The following NCAM1 variants were observed in gnomAD, a reference collection of about 807,000 sequenced individuals.
NCAM1 encodes the protein neural cell adhesion molecule 1, also known as antigen recognized by monoclonal antibody 5.1H11.
A neutral mutation model predicts 109.8 loss-of-function variants in NCAM1; 14 were observed. That is an observed-to-expected ratio of 0.13 (90% confidence interval 0.08 to 0.20). NCAM1 has a LOEUF of 0.20. Among genes scored for constraint, NCAM1 ranks in the 10% least tolerant of loss-of-function variants. NCAM1 has a pLI of 1.00. For synonymous variants in NCAM1, 418 were observed against 442.9 expected (o/e 0.94, Z 0.70); for missense variants, 774 against 1,109.9 (o/e 0.70, Z 4.30).
chr11:113,269,826 CAA>C (rs1399827389), intron 17 of NCAM1: 1 of 312,904 alleles, frequency 3.2e-6, no homozygotes, highest in African/African-American at 2.1e-5. Context: ...GCCTGTGCTG[CAA>C]AGCCTTTTGC....
intron 18 of NCAM1, among the ~76,000 whole-genome samples, chr11:113,271,133 G>T (rs1204505741): frequency 1.3e-5 from 2 of 152,042 alleles, no homozygotes; most frequent in Non-Finnish European, 2.9e-5. Context: ...ACTTTGGGAG[G>T]CCGAGATGGA....
Position 113,202,365 on chromosome 11 carries a change from T to TTTTGTTTTGC in NCAM1, c.53-6_53-5insGCTTTGTTTT. ...TTGTTTTTTGTTTTGTTTTGTTTTG[T>TTTTGTTTTGC]TTTGTTTTTTCAGTTTCTCTGCAGG... is the stretch of plus-strand genomic sequence containing the variant. On this transcript the variant is annotated splice_polypyrimidine_tract_variant and intron_variant, in intron 1 of 19. Coordinates refer to ENST00000316851, the MANE Select transcript of NCAM1 (RefSeq NM_181351.5). The TTTTGTTTTGC allele has an allele frequency of 2.5e-6, 4 of 1,609,780 alleles. No individual in the cohort carries two copies. The highest frequency in any genetic ancestry group is 8.5e-7 in the Non-Finnish European group (1 of 1,178,426).
At chr11:113,004,518 G>A (rs1359369781) in intron 1 of NCAM1, among the ~76,000 whole-genome samples, 3 of 151,628 alleles carry the variant, frequency 2.0e-5, no homozygotes, top group African/African-American at 7.3e-5. Context: ...TTTTTTGCCA[G>A]GATGAGGATC....
chr11:113,051,883 G>A (rs1346059283), intron 1 of NCAM1, among the ~76,000 whole-genome samples: 1 of 152,078 alleles, frequency 6.6e-6, no homozygotes, highest in African/African-American at 2.4e-5. Flanking sequence ...TGGAATAGCT[G>A]GGCCTAAAGT....
intron 1 of NCAM1, among the ~76,000 whole-genome samples, chr11:113,038,547 T>C (rs552143062): frequency 6.6e-6 from 1 of 152,350 alleles, no homozygotes; most frequent in East Asian, 1.9e-4. Flanking sequence ...TTGTTCACCA[T>C]TGGTATCCCT....
chr11:113,217,922 T>A (rs923304190), intron 8 of NCAM1, among the ~76,000 whole-genome samples: 1 of 152,206 alleles, frequency 6.6e-6, no homozygotes, highest in Non-Finnish European at 1.5e-5. Context: ...CTCTAATTGT[T>A]ACTAAAAATA....
chr11:112,976,475 C>A (rs1555067702), intron 1 of NCAM1, among the ~76,000 whole-genome samples: 1 of 151,672 alleles, frequency 6.6e-6, no homozygotes, highest in African/African-American at 2.4e-5. Flanking sequence ...CAATTTAAAC[C>A]TACAGATTGA....
At chr11:113,128,142 C>T (rs1941250519) in intron 1 of NCAM1, among the ~76,000 whole-genome samples, 1 of 152,162 alleles carries the variant, frequency 6.6e-6, no homozygotes, top group Non-Finnish European at 1.5e-5. Flanking sequence ...TTTTGGCAAC[C>T]ACACTTTCTT....
chr11:113,066,053 T>G (rs1335339859), intron 1 of NCAM1, among the ~76,000 whole-genome samples: 2 of 152,222 alleles, frequency 1.3e-5, no homozygotes, highest in Non-Finnish European at 2.9e-5. Context: ...GCTTGGTTCT[T>G]GCCCATTCAT....
At chr11:112,979,851 A>G (rs1174478485) in intron 1 of NCAM1, among the ~76,000 whole-genome samples, 2 of 151,848 alleles carry the variant, frequency 1.3e-5, no homozygotes, top group Non-Finnish European at 2.9e-5. Flanking sequence ...TCTGAAATGC[A>G]TAACACATTT....
At position 113,273,533 on chromosome 11, in the gene NCAM1, G is replaced by C. The variant is rs549134669; in HGVS notation, c.2456+1657G>C. ...CAGCCACAGCCCTTGCTAGCCCGAA[G>C]AGCGAGGCTGCCTCCGTCAGCACCA... is the stretch of plus-strand genomic sequence containing the variant. On this transcript the variant is annotated intron_variant, in intron 19 of 19. Coordinates refer to ENST00000316851, the MANE Select transcript of NCAM1 (RefSeq NM_181351.5). The surrounding 1 kb of genome is among the most constrained non-coding windows in gnomAD (Gnocchi z 6.0). 7 of 359,534 alleles carry C rather than the reference G, an allele frequency of 1.9e-5. No homozygotes were observed. Among genetic ancestry groups the C allele is most frequent in the Non-Finnish European group, 3.4e-5 (6 of 174,944 alleles). The allele number at this position is 359,534 out of a possible 1,614,324, so 22.3% of individuals were successfully genotyped here.
intron 14 of NCAM1, among the ~76,000 whole-genome samples, chr11:113,243,169 G>A (rs947297942): frequency 5.3e-5 from 8 of 152,234 alleles, no homozygotes; most frequent in Admixed American, 3.9e-4. Flanking sequence ...TCTCCTTCCC[G>A]GCTTTCGCTT....
chr11:113,114,043 T>G (rs1555094321), intron 1 of NCAM1, among the ~76,000 whole-genome samples: 1 of 152,220 alleles, frequency 6.6e-6, no homozygotes, highest in Admixed American at 6.5e-5. Context: ...CTGTTTCCCT[T>G]TTTAGGCTTA....
intron 1 of NCAM1, among the ~76,000 whole-genome samples, chr11:113,083,797 A>T (rs1162140051): frequency 6.6e-6 from 1 of 152,144 alleles, no homozygotes; most frequent in Non-Finnish European, 1.5e-5. Flanking sequence ...TTTGAGTAGC[A>T]AGGGCTTTGT....
intron 1 of NCAM1, among the ~76,000 whole-genome samples, chr11:113,192,872 C>T (rs545901943): frequency 2.4e-4 from 36 of 152,172 alleles, no homozygotes; most frequent in Admixed American, 6.5e-4. Flanking sequence ...TAGTAAATGG[C>T]TCTGCAATCC....
At chr11:113,142,241 A>G (rs1389509987) in intron 1 of NCAM1, among the ~76,000 whole-genome samples, 1 of 152,130 alleles carries the variant, frequency 6.6e-6, no homozygotes, top group Non-Finnish European at 1.5e-5. Context: ...GGAAACTGAG[A>G]CACGGAAGGG....
intron 14 of NCAM1, chr11:113,243,481 A>T (rs1945402669): frequency 2.1e-6 from 1 of 484,542 alleles, no homozygotes; most frequent in African/African-American, 1.9e-5. Context: ...GAGAGTCCAG[A>T]TGAAAGTGCT....
chr11:113,275,516 T>A lies in NCAM1; in HGVS notation c.*129T>A. On this transcript the variant is annotated 3_prime_UTR_variant, in exon 20 of 20. Coordinates refer to ENST00000316851, the MANE Select transcript of NCAM1 (RefSeq NM_181351.5). ...CACACATGCACACACACACATCTCA[T>A]TTCTCTAGTGTCTTTTGCCTTTAAA... is the stretch of plus-strand genomic sequence containing the variant. The A allele has an allele frequency of 8.6e-7, 1 of 1,160,170 alleles. No individual in the cohort carries two copies. Among genetic ancestry groups the A allele is most frequent in the Non-Finnish European group, 1.2e-6 (1 of 839,756 alleles). The allele number at this position is 1,160,170 out of a possible 1,614,324, so 71.9% of individuals were successfully genotyped here.
chr11:113,020,814 G>A (rs1452598959), intron 1 of NCAM1, among the ~76,000 whole-genome samples: 1 of 152,096 alleles, frequency 6.6e-6, no homozygotes, highest in Non-Finnish European at 1.5e-5. Flanking sequence ...GGAGTGCAGT[G>A]GCGTGATTTC....
Sources: allele counts gnomAD v4.1 joint callset (sites outside exome capture counted in the v4.1 genomes callset), GRCh38; gene constraint gnomAD v4.1.1; non-coding constraint Gnocchi (gnomAD v3.1); transcripts MANE v1.5; gene names NCBI Gene and HGNC (gene_info 2026-07-23, HGNC 2026-07-21).